KSR2: variants seen among roughly 807,000 people sequenced by gnomAD.
KSR2 encodes kinase suppressor of ras 2.
In KSR2, 25 loss-of-function variants were observed where a neutral mutation model predicts 107.8. That is an observed-to-expected ratio of 0.23 (90% CI 0.17 to 0.32). The LOEUF (loss-of-function observed/expected upper bound fraction) is 0.32, where lower values mean the gene tolerates loss of function less well. Ranked by LOEUF, KSR2 falls within the 10% of genes least tolerant of loss-of-function variation. KSR2 has a pLI of 1.00. For missense variants in KSR2, 887 were observed against 1,268.9 expected (o/e 0.70, Z 4.57); for synonymous variants, 480 against 507.0 (o/e 0.95, Z 0.71).
chr12:117,838,643 T>C (rs116652878), intron 3 of KSR2, among the ~76,000 whole-genome samples: 189 of 152,254 alleles, frequency 1.2e-3, no homozygotes, highest in African/African-American at 4.4e-3. Context: ...CCCCTATAAA[T>C]GTTGTACCAC....
intron 3 of KSR2, among the ~76,000 whole-genome samples, chr12:117,825,380 G>A (rs1003946899): frequency 6.6e-6 from 1 of 152,122 alleles, no homozygotes; most frequent in Non-Finnish European, 1.5e-5. Context: ...TGTGTGCAGG[G>A]ATGGATAGGT....
intron 4 of KSR2, among the ~76,000 whole-genome samples, chr12:117,688,541 T>C (rs1885679523): frequency 6.6e-6 from 1 of 152,218 alleles, no homozygotes; most frequent in Non-Finnish European, 1.5e-5. Context: ...ATCATAATTC[T>C]ACACCGATAA....
At position 117,868,304 on chromosome 12, in the gene KSR2, AGTCCCAGCTACTCAGGAGGCTGAGGTAG is replaced by A. The variant is rs1893541694; in HGVS notation, c.181-7901_181-7874del. 2.6e-5 allele frequency among the ~76,000 whole-genome samples: 4 copies of A among 151,982 alleles called. No homozygotes were observed. In the South Asian group the frequency reaches 8.3e-4, roughly 31 times the overall value. ...GTCAGGCATGGTGGTGCACATCTGTAGTCCCAGCTACTCAGGAGGCTGAGGTAGGAATCTTTTGAACCCAGGAGGTGGA... is the reference window on the plus strand; with the variant it reads ...GTCAGGCATGGTGGTGCACATCTGTAGAATCTTTTGAACCCAGGAGGTGGA... On this transcript the variant is annotated intron_variant, in intron 1 of 19. Coordinates refer to ENST00000339824, the MANE Select transcript of KSR2 (RefSeq NM_173598.6).
chr12:117,891,812 C>A (rs1329251366), intron 1 of KSR2, among the ~76,000 whole-genome samples: 1 of 151,688 alleles, frequency 6.6e-6, no homozygotes, highest in Non-Finnish European at 1.5e-5. Flanking sequence ...CACAGGGAGA[C>A]CCTGTCTCTA....
intron 1 of KSR2, among the ~76,000 whole-genome samples, chr12:117,953,944 G>A (rs1277145933): frequency 6.6e-6 from 1 of 152,004 alleles, no homozygotes; most frequent in African/African-American, 2.4e-5. Context: ...TTAAAAATTA[G>A]CTAGGCATGG....
chr12:117,940,616 A>G (rs897575441), intron 1 of KSR2, among the ~76,000 whole-genome samples: 1 of 152,260 alleles, frequency 6.6e-6, no homozygotes, highest in African/African-American at 2.4e-5. Flanking sequence ...CACATTCAAT[A>G]CCAATTTAAA....
At chr12:117,474,002 T>G (rs1166559815) in intron 17 of KSR2, among the ~76,000 whole-genome samples, 1 of 152,150 alleles carries the variant, frequency 6.6e-6, no homozygotes, top group Non-Finnish European at 1.5e-5. Flanking sequence ...CTTTAAAAAG[T>G]TCATTTTTGT....
intron 5 of KSR2, among the ~76,000 whole-genome samples, chr12:117,616,640 C>G (rs967505708): frequency 6.6e-6 from 1 of 152,210 alleles, no homozygotes; most frequent in Non-Finnish European, 1.5e-5. Flanking sequence ...ATTGCCAGCT[C>G]AGCTCCTGAG....
rs1323049556 is a variant in KSR2, at chr12:117,763,296, G to T, written c.473-1772C>A. ...TTCTTAATCCAGTCTATCATTGTTG[G>T]ACATTTGGGTTGGTTCCAAGTCTTT... On this transcript the variant is annotated intron_variant, in intron 3 of 19. Coordinates refer to ENST00000339824, the MANE Select transcript of KSR2 (RefSeq NM_173598.6). Among the ~76,000 whole-genome samples the T allele has an allele frequency of 2.7e-5, 4 of 150,332 alleles. No individual in the cohort carries two copies. The East Asian group carries it at 7.9e-4, about 30-fold the overall frequency.
chr12:117,918,788 C>CAA (rs1423434186), intron 1 of KSR2, among the ~76,000 whole-genome samples: 2 of 106,532 alleles, frequency 1.9e-5, no homozygotes, highest in Non-Finnish European at 2.0e-5. Flanking sequence ...AACTCCGTCT[C>CAA]AAAAAAAAAA....
chr12:117,887,500 C>G (rs958452879), intron 1 of KSR2, among the ~76,000 whole-genome samples: 2 of 152,086 alleles, frequency 1.3e-5, no homozygotes, highest in Admixed American at 6.6e-5. Context: ...TCCAGCATAC[C>G]CAGGCCTGGT....
chr12:117,507,476 A>G (rs1329513362), intron 14 of KSR2, among the ~76,000 whole-genome samples: 3 of 152,224 alleles, frequency 2.0e-5, no homozygotes, highest in Non-Finnish European at 4.4e-5. Context: ...CAGCAACATA[A>G]AGCCAAATGT....
intron 3 of KSR2, among the ~76,000 whole-genome samples, chr12:117,817,774 G>T (rs1891424375): frequency 6.6e-6 from 1 of 152,104 alleles, no homozygotes; most frequent in South Asian, 2.1e-4. Flanking sequence ...TCCCCACAGG[G>T]GCTGGGATCT....
intron 1 of KSR2, among the ~76,000 whole-genome samples, chr12:117,944,333 G>A (rs1425978031): frequency 6.6e-6 from 1 of 152,192 alleles, no homozygotes; most frequent in African/African-American, 2.4e-5. Context: ...CCGAGATCGT[G>A]CCATTGCACT....
At chr12:117,669,126 C>A (rs1884794312) in intron 4 of KSR2, among the ~76,000 whole-genome samples, 1 of 152,200 alleles carries the variant, frequency 6.6e-6, no homozygotes, top group African/African-American at 2.4e-5. Flanking sequence ...CTGCCTACAA[C>A]ATGGTACATT....
chr12:117,950,747 A>T (rs996223138), intron 1 of KSR2, among the ~76,000 whole-genome samples: 3 of 95,360 alleles, frequency 3.1e-5, no homozygotes, highest in African/African-American at 1.2e-4. Context: ...TAAAAAAAAA[A>T]AAAATAATAA....
chr12:117,882,916 ACCATCCAT>A (rs1277557099), intron 1 of KSR2, among the ~76,000 whole-genome samples: 1 of 151,078 alleles, frequency 6.6e-6, no homozygotes, highest in African/African-American at 2.4e-5. Context: ...CATCCATCCA[ACCATCCAT>A]CCATCCAATT....
rs1440228897 is a variant in KSR2, at chr12:117,460,402, A to G, written c.*6797T>C. 2.0e-5 allele frequency: 3 copies of G among 152,272 alleles called. No homozygotes were observed. The highest frequency in any genetic ancestry group is 2.1e-4 in the South Asian group (1 of 4,830). 9.4% of individuals were successfully genotyped at this position (152,272 alleles called of 1,614,324 possible). On this transcript the variant is annotated 3_prime_UTR_variant, in exon 20 of 20. Coordinates refer to ENST00000339824, the MANE Select transcript of KSR2 (RefSeq NM_173598.6). ...CAGGAACACGGGACCACAGTGCAAC[A>G]TCCAGCAGGAGAGACGGAGGGGATA...
chr12:117,770,234 T>C (rs1331696998), intron 3 of KSR2, among the ~76,000 whole-genome samples: 5 of 152,138 alleles, frequency 3.3e-5, no homozygotes, highest in African/African-American at 9.7e-5. Context: ...TAATACTGGA[T>C]CAGGATGCAT....
Sources: gnomAD v4.1 joint callset for allele counts (sites outside exome capture counted in the v4.1 genomes callset) on GRCh38, gnomAD v4.1.1 for gene constraint, MANE v1.5 for transcripts, NCBI Gene and HGNC (gene_info 2026-07-23, HGNC 2026-07-21) for gene names.